Variants in EARS2 observed in about 807,000 individuals in gnomAD.
The protein encoded by EARS2 is nondiscriminating glutamyl-tRNA synthetase EARS2, mitochondrial.
A neutral mutation model predicts 54.1 loss-of-function variants in EARS2; 50 were observed. The ratio of observed to expected loss-of-function variants is 0.92; its 90% CI spans 0.74 to 1.17. EARS2 has a LOEUF of 1.17. EARS2 is among the 50% of genes most tolerant of loss of function. The pLI is 0.00. For missense variants in EARS2, 673 were observed against 675.0 expected (o/e 1.00, Z 0.03); for synonymous variants, 298 against 281.0 (o/e 1.06, Z -0.61).
At position 23,533,970 on chromosome 16, in the gene EARS2, C is replaced by T. The variant is rs545805469; in HGVS notation, c.958+918G>A. The stretch of plus-strand genomic sequence containing the variant: ...ACTCGGGAGGCTGAGGCAGGACAAT[C>T]GCTTGAACCCAGGAGACGGAGGTTG... On this transcript the variant is annotated intron_variant, in intron 4 of 8. Coordinates refer to ENST00000449606, the MANE Select transcript of EARS2 (RefSeq NM_001083614.2). Among the ~76,000 whole-genome samples the T allele has an allele frequency of 1.3e-4, 19 of 151,936 alleles. No individual in the cohort carries two copies. The East Asian group carries it at 2.1e-3, about 17-fold the overall frequency.
At position 23,547,203 on chromosome 16, in the gene EARS2, A is replaced by T. The variant is rs149670006; in HGVS notation, c.296-2500T>A. 5.3e-5 allele frequency among the ~76,000 whole-genome samples: 8 copies of T among 152,360 alleles called. No homozygotes were observed. In the South Asian group the frequency reaches 8.3e-4, roughly 16 times the overall value. ...TGGCTATAAAAAGGAATGAAGCATG[A>T]TAGCCCACAGATGCGCTTATGGTAA... On this transcript the variant is annotated intron_variant, in intron 2 of 8. Coordinates refer to ENST00000449606, the MANE Select transcript of EARS2 (RefSeq NM_001083614.2).
intron 2 of EARS2, 144 bp from the exon 3 acceptor site, chr16:23,544,847 C>CA: frequency 2.7e-6 from 2 of 738,286 alleles, no homozygotes; most frequent in East Asian, 5.9e-5. Flanking sequence ...TCCCCGCCGC[C>CA]TTTTTTTTTG....
intron 5 of EARS2, among the ~76,000 whole-genome samples, 175 bp from the exon 6 acceptor site, chr16:23,530,072 G>T (rs1415506846): frequency 6.6e-6 from 1 of 152,198 alleles, no homozygotes; most frequent in Non-Finnish European, 1.5e-5. Flanking sequence ...TGTGACTAAG[G>T]TCACAAACAG....
chr16:23,543,907 C>T (rs997437334), intron 3 of EARS2, among the ~76,000 whole-genome samples: 1 of 152,262 alleles, frequency 6.6e-6, no homozygotes, highest in Admixed American at 6.5e-5. Flanking sequence ...TCACCTCCAG[C>T]CTATGTGTAT....
intron 7 of EARS2, among the ~76,000 whole-genome samples, chr16:23,528,376 T>TGAAACAATGACAGGCCCCAGGCCG (rs1965265664): frequency 6.6e-6 from 1 of 152,206 alleles, no homozygotes; most frequent in Non-Finnish European, 1.5e-5. Flanking sequence ...GAGGAGCTGA[T>TGAAACAATGACAGGCCCCAGGCCG]GAAACAATGA....
rs566933362 is a variant in EARS2 at position 23,524,294 on chromosome 16, C to A, written c.*77G>T. 6.1e-6 allele frequency: 8 copies of A among 1,307,942 alleles called. No homozygotes were observed. In the East Asian group the frequency reaches 1.8e-4, roughly 30 times the overall value. 81.0% of individuals were successfully genotyped at this position (1,307,942 alleles called of 1,614,324 possible). ...GCAAACTTCCCGACGGGCCCCAGGC[C>A]TCCTTCTGGTCTCTGAAAGCTGTTT... On this transcript the variant is annotated 3_prime_UTR_variant, in exon 9 of 9. Coordinates refer to ENST00000449606, the MANE Select transcript of EARS2 (RefSeq NM_001083614.2).
At chr16:23,537,023 A>C in intron 3 of EARS2, 1 of 184,694 alleles carries the variant, frequency 5.4e-6, no homozygotes, top group Admixed American at 6.0e-5. Flanking sequence ...ACATGAGTGA[A>C]CAGGAGGGTG....
intron 5 of EARS2, among the ~76,000 whole-genome samples, chr16:23,531,268 C>CT (rs879532899): frequency 4.8e-4 from 71 of 146,534 alleles, no homozygotes; most frequent in Middle Eastern, 3.5e-3. Flanking sequence ...TAGTTTCTTT[C>CT]TTTTTTTTTT....
intron 3 of EARS2, among the ~76,000 whole-genome samples, chr16:23,535,692 T>C (rs577376354): frequency 1.7e-4 from 26 of 152,328 alleles, no homozygotes; most frequent in African/African-American, 6.0e-4. Flanking sequence ...CAGGCAGGAA[T>C]GTAACCCCAT....
At chr16:23,532,811 C>A in intron 4 of EARS2, 46 bp from the exon 5 acceptor site, 1 of 1,354,336 alleles carries the variant, frequency 7.4e-7, no homozygotes, top group South Asian at 1.2e-5. Flanking sequence ...CTCTCCCTTC[C>A]TCCTTCCACT....
At chr16:23,549,177 G>A (rs1408455761) in intron 2 of EARS2, among the ~76,000 whole-genome samples, 1 of 152,186 alleles carries the variant, frequency 6.6e-6, no homozygotes, top group Non-Finnish European at 1.5e-5. Context: ...CAGGAGTGAA[G>A]AGCTGAGACA....
chr16:23,554,076 C>T (rs1965738291), intron 1 of EARS2, among the ~76,000 whole-genome samples: 1 of 152,076 alleles, frequency 6.6e-6, no homozygotes, highest in Non-Finnish European at 1.5e-5. Context: ...GTGGTACAGT[C>T]ACGGCTCACT....
At chr16:23,554,806 C>G (rs1965750183) in intron 1 of EARS2, among the ~76,000 whole-genome samples, 1 of 152,188 alleles carries the variant, frequency 6.6e-6, no homozygotes, top group Admixed American at 6.5e-5. Flanking sequence ...AGGAACTCTA[C>G]TTAACTTTTA....
In EARS2 at chr16:23,522,272, G is replaced by C. The variant is rs1477247343; in HGVS notation, c.*2099C>G. ...ACTACCTATTACTGGCCAAGGAATG[G>C]TAGCAGGACCTCAGATAGCCCAACA... On this transcript the variant is annotated 3_prime_UTR_variant, in exon 9 of 9. Coordinates refer to ENST00000449606, the MANE Select transcript of EARS2 (RefSeq NM_001083614.2). 1 of 163,050 alleles carries C rather than the reference G, an allele frequency of 6.1e-6. No homozygotes were observed. Among genetic ancestry groups the C allele is most frequent in the African/African-American group, 2.4e-5 (1 of 41,712 alleles). 10.1% of individuals were successfully genotyped at this position (163,050 alleles called of 1,614,324 possible). A position where few individuals can be genotyped will look rare whatever the true frequency, so the allele number is the denominator to read the frequency against.
chr16:23,521,504 T>A lies in EARS2; in HGVS notation c.*2867A>T, dbSNP rs1310215518. 6.6e-6 allele frequency among the ~76,000 whole-genome samples: 1 copy of A among 151,988 alleles called. No homozygotes were observed. Among genetic ancestry groups the A allele is most frequent in the Non-Finnish European group, 1.5e-5 (1 of 68,000 alleles). On this transcript the variant is annotated 3_prime_UTR_variant, in exon 9 of 9. Transcript: ENST00000449606. ...AGCCTTAACGCCTCAGCTCAAGTGA[T>A]CCTCCTACCTTAGTCTCCCAAGTAG...
At chr16:23,529,413 C>T in intron 7 of EARS2, 89 bp downstream of exon 7, 1 of 1,511,060 alleles carries the variant, frequency 6.6e-7, no homozygotes, top group Non-Finnish European at 8.9e-7. Context: ...GCTGGGGCCC[C>T]AACAGCCCAG....
chr16:23,522,923 G>A lies in EARS2; in HGVS notation c.*1448C>T, dbSNP rs1365988421. ...ACACTCCCATGGCTATTGGTGGGAG[G>A]CCTCGATCCCTTGTCATGTGGAGCA... On this transcript the variant is annotated 3_prime_UTR_variant, in exon 9 of 9. Coordinates refer to ENST00000449606, the MANE Select transcript of EARS2 (RefSeq NM_001083614.2). 1 of 152,170 alleles carries A rather than the reference G, an allele frequency of 6.6e-6. No individual in the cohort carries two copies. Among genetic ancestry groups the A allele is most frequent in the Non-Finnish European group, 1.5e-5 (1 of 68,040 alleles). 9.4% of individuals were successfully genotyped at this position (152,170 alleles called of 1,614,324 possible). A position where few individuals can be genotyped will look rare whatever the true frequency, so the allele number is the denominator to read the frequency against.
chr16:23,528,959 A>T (rs1358482467), intron 7 of EARS2, among the ~76,000 whole-genome samples: 1 of 152,224 alleles, frequency 6.6e-6, no homozygotes, highest in African/African-American at 2.4e-5. Context: ...AGTGGTCAGC[A>T]TCGGCGAGTA....
rs1965141374 is a variant in EARS2, at chr16:23,521,433, T to C, written c.*2938A>G. Among the ~76,000 whole-genome samples the C allele has an allele frequency of 1.3e-5, 2 of 151,996 alleles. No individual in the cohort carries two copies. The highest frequency in any genetic ancestry group is 2.1e-4 in the South Asian group (1 of 4,820). On this transcript the variant is annotated 3_prime_UTR_variant, in exon 9 of 9. Coordinates refer to ENST00000449606, the MANE Select transcript of EARS2 (RefSeq NM_001083614.2). ...TTTTTTTTTAGACACAGGATCTTGC[T>C]CTGTTGCCCAGGTTAGAGTGCAGTA...
Sources: allele counts gnomAD v4.1 joint callset (sites outside exome capture counted in the v4.1 genomes callset), GRCh38; gene constraint gnomAD v4.1.1; transcripts MANE v1.5; gene names NCBI Gene and HGNC (gene_info 2026-07-23, HGNC 2026-07-21).